GNA12: variants seen among roughly 807,000 people sequenced by gnomAD.
GNA12 encodes G protein subunit alpha 12, also known as guanine nucleotide-binding protein subunit alpha-12.
A neutral mutation model predicts 26.0 loss-of-function variants in GNA12; 9 were observed. That is an observed-to-expected ratio of 0.35 (90% CI 0.21 to 0.60). The LOEUF (loss-of-function observed/expected upper bound fraction) is 0.60. Ranked by LOEUF, GNA12 falls within the 20% of genes least tolerant of loss-of-function variation. GNA12 has a pLI of 0.78. For missense variants in GNA12, 405 were observed against 525.8 expected (o/e 0.77, Z 2.25); for synonymous variants, 264 against 219.6 (o/e 1.20, Z -1.79).
At chr7:2,758,721 G>C (rs1195569648) in intron 2 of GNA12, among the ~76,000 whole-genome samples, 1 of 152,228 alleles carries the variant, frequency 6.6e-6, no homozygotes, top group African/African-American at 2.4e-5. Context: ...CCTAACAGCA[G>C]AGTCACAGCC....
At chr7:2,751,971 A>G (rs1028872864) in intron 2 of GNA12, among the ~76,000 whole-genome samples, 1 of 152,214 alleles carries the variant, frequency 6.6e-6, no homozygotes, top group African/African-American at 2.4e-5. Flanking sequence ...AGAAAATCAA[A>G]GAGGAAGAAA....
chr7:2,738,410 C>T (rs1043571176), intron 2 of GNA12, among the ~76,000 whole-genome samples: 1 of 152,170 alleles, frequency 6.6e-6, no homozygotes, highest in Non-Finnish European at 1.5e-5. Context: ...TCCACGCAGT[C>T]AGGGGCTACG....
chr7:2,787,736 T>G (rs771571872), intron 2 of GNA12, among the ~76,000 whole-genome samples: 3 of 152,178 alleles, frequency 2.0e-5, no homozygotes, highest in African/African-American at 7.2e-5. Context: ...CGGGGGTAAG[T>G]GTCATTTCGC....
intron 2 of GNA12, among the ~76,000 whole-genome samples, chr7:2,775,800 C>G (rs1012578759): frequency 6.6e-6 from 1 of 152,232 alleles, no homozygotes; most frequent in African/African-American, 2.4e-5. Flanking sequence ...TCAGAATCAC[C>G]TAAGGAGCCT....
chr7:2,798,125 C>T (rs1223457201), intron 1 of GNA12, among the ~76,000 whole-genome samples: 1 of 151,948 alleles, frequency 6.6e-6, no homozygotes, highest in East Asian at 1.9e-4. Context: ...CAACATGGTT[C>T]TGGAAGTTCT....
At chr7:2,762,784 A>G in intron 2 of GNA12, 1 of 1,542,682 alleles carries the variant, frequency 6.5e-7, no homozygotes, top group Non-Finnish European at 8.7e-7. Flanking sequence ...AGGCTGTACA[A>G]AAGGGAGGAG....
intron 2 of GNA12, among the ~76,000 whole-genome samples, chr7:2,773,998 C>A (rs774292660): frequency 1.6e-4 from 25 of 152,132 alleles, no homozygotes; most frequent in Non-Finnish European, 3.5e-4. Flanking sequence ...CGAGAAGGAG[C>A]CAGTAACACA....
chr7:2,840,297 T>C (rs1482917973), intron 1 of GNA12, among the ~76,000 whole-genome samples: 1 of 152,244 alleles, frequency 6.6e-6, no homozygotes, highest in Non-Finnish European at 1.5e-5. Context: ...TTCCTAGCTC[T>C]GCCATCTGCT....
intron 1 of GNA12, among the ~76,000 whole-genome samples, chr7:2,809,487 T>C (rs147134209): frequency 6.6e-6 from 1 of 152,320 alleles, no homozygotes; most frequent in East Asian, 1.9e-4. Flanking sequence ...TTGACATTAA[T>C]ACATAAATAT....
chr7:2,841,072 G>T (rs889425989), intron 1 of GNA12, among the ~76,000 whole-genome samples: 5 of 152,210 alleles, frequency 3.3e-5, no homozygotes, highest in African/African-American at 1.2e-4. Flanking sequence ...TAGGATACCA[G>T]TTAACACATT....
At chr7:2,828,489 G>C (rs1239333826) in intron 1 of GNA12, among the ~76,000 whole-genome samples, 1 of 152,202 alleles carries the variant, frequency 6.6e-6, no homozygotes, top group Non-Finnish European at 1.5e-5. Context: ...AAACTGCTGG[G>C]ATTACAGGCA....
At chr7:2,829,849 T>C (rs138294261) in intron 1 of GNA12, among the ~76,000 whole-genome samples, 2,554 of 152,308 alleles carry the variant, frequency 0.017, 28 homozygotes, top group Middle Eastern at 0.027. Context: ...TCTACCTGGT[T>C]TGTCTTCTTG....
At chr7:2,826,714 T>TA (rs1793492731) in intron 1 of GNA12, among the ~76,000 whole-genome samples, 1 of 152,134 alleles carries the variant, frequency 6.6e-6, no homozygotes, top group African/African-American at 2.4e-5. Flanking sequence ...TGATTCCAAC[T>TA]ACAGGACATT....
intron 2 of GNA12, among the ~76,000 whole-genome samples, chr7:2,753,970 G>A (rs1583239850): frequency 6.6e-6 from 1 of 152,122 alleles, no homozygotes; most frequent in South Asian, 2.1e-4. Flanking sequence ...CATCTTAGGT[G>A]CTTTGTTCAC....
intron 2 of GNA12, among the ~76,000 whole-genome samples, chr7:2,750,821 C>T (rs1583234576): frequency 6.6e-6 from 1 of 152,086 alleles, no homozygotes; most frequent in East Asian, 1.9e-4. Flanking sequence ...GGCCTCAGAA[C>T]CAGATTCGGA....
intron 1 of GNA12, among the ~76,000 whole-genome samples, chr7:2,811,626 G>C (rs1793083742): frequency 6.6e-6 from 1 of 152,226 alleles, no homozygotes; most frequent in African/African-American, 2.4e-5. Flanking sequence ...GATTTCGTAA[G>C]GTTGTAAAGA....
At chr7:2,817,073 T>C (rs1583305715) in intron 1 of GNA12, among the ~76,000 whole-genome samples, 1 of 152,220 alleles carries the variant, frequency 6.6e-6, no homozygotes, top group Admixed American at 6.5e-5. Flanking sequence ...CTACTTAAAC[T>C]TTCCAATGGC....
intron 1 of GNA12, among the ~76,000 whole-genome samples, chr7:2,806,445 G>A (rs1209582470): frequency 5.7e-5 from 7 of 122,686 alleles, no homozygotes; most frequent in African/African-American, 1.3e-4. Context: ...GGGATAGAGC[G>A]AGACTCTGTC....
chr7:2,819,715 C>T (rs904347395), intron 1 of GNA12, among the ~76,000 whole-genome samples: 2 of 152,144 alleles, frequency 1.3e-5, no homozygotes, highest in African/African-American at 2.4e-5. Flanking sequence ...AAACCGAAAA[C>T]GGGATGGCTG....
Sources: allele counts gnomAD v4.1 joint callset (sites outside exome capture counted in the v4.1 genomes callset), GRCh38; gene constraint gnomAD v4.1.1; transcripts MANE v1.5; gene names NCBI Gene and HGNC (gene_info 2026-07-23, HGNC 2026-07-21).